The following SKA2 variants were observed in gnomAD, a reference collection of about 807,000 sequenced individuals.
The protein encoded by SKA2 is spindle and kinetochore associated complex subunit 2.
Under a neutral mutation model 16.9 loss-of-function variants are expected in SKA2, and 13 were observed. The ratio of observed to expected loss-of-function variants is 0.77; its 90% CI spans 0.50 to 1.22. The LOEUF is 1.22. SKA2 is among the 50% of genes most tolerant of loss of function. SKA2 has a pLI of 0.00. For synonymous variants in SKA2, 47 were observed against 48.5 expected (o/e 0.97, Z 0.13); for missense variants, 107 against 139.7 (o/e 0.77, Z 1.18).
intron 1 of SKA2, among the ~76,000 whole-genome samples, chr17:59,141,984 T>A (rs1270143473): frequency 1.3e-5 from 2 of 151,878 alleles, no homozygotes; most frequent in African/African-American, 4.8e-5. Flanking sequence ...AGAGGAAACA[T>A]AAGAGTAAGC....
intron 1 of SKA2, among the ~76,000 whole-genome samples, chr17:59,134,962 G>A (rs1318472810): frequency 2.0e-5 from 3 of 151,956 alleles, no homozygotes; most frequent in African/African-American, 7.2e-5. Context: ...AGCCTCCCAA[G>A]TAGCTGGGAC....
At chr17:59,129,669 C>G (rs2046397288) in intron 2 of SKA2, among the ~76,000 whole-genome samples, 1 of 151,868 alleles carries the variant, frequency 6.6e-6, no homozygotes, top group African/African-American at 2.4e-5. Context: ...ACCAGCCTAA[C>G]ATGGTGAAAC....
intron 3 of SKA2, among the ~76,000 whole-genome samples, chr17:59,114,594 C>T (rs574306168): frequency 6.6e-6 from 1 of 152,158 alleles, no homozygotes; most frequent in Non-Finnish European, 1.5e-5. Context: ...CCATTGTTGA[C>T]CAAAACGTCA....
rs183191519 is a variant in SKA2, at chr17:59,140,994, G to A, written c.34-9627C>T. 1.9e-3 allele frequency among the ~76,000 whole-genome samples: 283 copies of A among 150,746 alleles called. 1 individual carries two copies. Among genetic ancestry groups the A allele is most frequent in the African/African-American group, 6.6e-3 (269 of 40,984 alleles). On this transcript the variant is annotated intron_variant, in intron 1 of 3. Coordinates refer to ENST00000330137, the MANE Select transcript of SKA2 (RefSeq NM_182620.4). The stretch of plus-strand genomic sequence containing the variant: ...TTTTCCTTTGTAGAGACAGAGTCTC[G>A]TTTTGTTGCCCAGGCTGGTCTCGAA...
intron 2 of SKA2, among the ~76,000 whole-genome samples, chr17:59,120,406 T>TTTTCTTTAA (rs2046324528): frequency 6.6e-6 from 1 of 152,026 alleles, no homozygotes; most frequent in African/African-American, 2.4e-5. Flanking sequence ...TTGGTAATTC[T>TTTTCTTTAA]TTTCTTTAAT....
At chr17:59,112,516 A>G (rs545634530) in intron 3 of SKA2, among the ~76,000 whole-genome samples, 171 bp from the exon 4 acceptor site, 1 of 152,372 alleles carries the variant, frequency 6.6e-6, no homozygotes, top group South Asian at 2.1e-4. Flanking sequence ...ATTTATATAC[A>G]AGGTCCTATG....
Position 59,155,035 on chromosome 17 carries a change from C to T in SKA2, c.33+96G>A, listed in dbSNP as rs771541476. 6 of 1,613,890 alleles carry T rather than the reference C, an allele frequency of 3.7e-6. 1 individual carries two copies. The African/African-American group carries it at 8.0e-5, about 22-fold the overall frequency. ...AACTCGACTCTGGTCCAGCCTCCGC[C>T]GCCCGGAGTTTCCGGCGACTCCAAA... On this transcript the variant is annotated intron_variant, in intron 1 of 3. Transcript: ENST00000330137.
intron 1 of SKA2, among the ~76,000 whole-genome samples, chr17:59,147,625 CTT>C (rs910746893): frequency 1.4e-5 from 2 of 144,950 alleles, no homozygotes; most frequent in Admixed American, 7.0e-5. Context: ...TCTTGATCTA[CTT>C]TTTTTTTTTT....
Position 59,119,294 on chromosome 17 carries a change from C to T in SKA2, c.297+25G>A, listed in dbSNP as rs565971520. On this transcript the variant is annotated intron_variant, in intron 3 of 3. Transcript: ENST00000330137. ...CACTCAGAGCTAAAGCTAAACAAAT[C>T]TAACCTGTCAACTGAAAGCATTACC... is the stretch of plus-strand genomic sequence containing the variant. The T allele has an allele frequency of 1.9e-6, 3 of 1,610,866 alleles. No homozygotes were observed. The African/African-American group carries it at 4.0e-5, about 21-fold the overall frequency.
chr17:59,152,312 C>A (rs979183159), intron 1 of SKA2, among the ~76,000 whole-genome samples: 2 of 152,058 alleles, frequency 1.3e-5, no homozygotes, highest in Admixed American at 1.3e-4. Context: ...TTTAAACGGT[C>A]CAATTCAACT....
Position 59,111,940 on chromosome 17 carries a change from T to C in SKA2, c.*337A>G, listed in dbSNP as rs1228814797. Reference sequence around the variant, plus strand: ...CATTCTTTTATGATAGACCAGAACATCTATATTATCATGACTTAGAAAAAG... The same window carrying C: ...CATTCTTTTATGATAGACCAGAACACCTATATTATCATGACTTAGAAAAAG... On this transcript the variant is annotated 3_prime_UTR_variant, in exon 4 of 4. Coordinates refer to ENST00000330137, the MANE Select transcript of SKA2 (RefSeq NM_182620.4). The C allele has an allele frequency of 4.5e-6, 1 of 220,080 alleles. No individual in the cohort carries two copies. The highest frequency in any genetic ancestry group is 2.3e-5 in the African/African-American group (1 of 43,184). 13.6% of individuals were successfully genotyped at this position (220,080 alleles called of 1,614,324 possible). A position where few individuals can be genotyped will look rare whatever the true frequency, so the allele number is the denominator to read the frequency against.
intron 1 of SKA2, among the ~76,000 whole-genome samples, chr17:59,148,819 A>AC (rs1022307172): frequency 2.7e-5 from 4 of 150,346 alleles, no homozygotes; most frequent in African/African-American, 9.8e-5. Flanking sequence ...AAAAAAAAAA[A>AC]AAAAAAAAAA....
intron 2 of SKA2, among the ~76,000 whole-genome samples, chr17:59,123,832 T>A (rs1422323195): frequency 6.6e-6 from 1 of 152,168 alleles, no homozygotes; most frequent in Non-Finnish European, 1.5e-5. Flanking sequence ...ATAGTAATAT[T>A]CCCATTTTAC....
chr17:59,142,927 C>CAAAA (rs111796693), intron 1 of SKA2, among the ~76,000 whole-genome samples: 4 of 60,294 alleles, frequency 6.6e-5, no homozygotes, highest in East Asian at 6.5e-4. Flanking sequence ...AACCCCATCT[C>CAAAA]AAAAAAAAAA....
At chr17:59,147,119 T>C (rs1397948954) in intron 1 of SKA2, among the ~76,000 whole-genome samples, 1 of 151,456 alleles carries the variant, frequency 6.6e-6, no homozygotes, top group Non-Finnish European at 1.5e-5. Context: ...GATCACAGCA[T>C]TGCACTCCAG....
At chr17:59,124,875 A>AG (rs2046360381) in intron 2 of SKA2, among the ~76,000 whole-genome samples, 1 of 152,170 alleles carries the variant, frequency 6.6e-6, no homozygotes, top group African/African-American at 2.4e-5. Context: ...ATGACAGGTT[A>AG]GGACTGTGGT....
chr17:59,149,530 T>TA (rs57435909), intron 1 of SKA2, among the ~76,000 whole-genome samples: 41 of 150,106 alleles, frequency 2.7e-4, no homozygotes, highest in African/African-American at 8.0e-4. Context: ...AAAATATTGC[T>TA]AAAAAAAAAA....
intron 1 of SKA2, among the ~76,000 whole-genome samples, chr17:59,143,784 C>T (rs1332947711): frequency 1.3e-5 from 2 of 152,134 alleles, no homozygotes; most frequent in Non-Finnish European, 2.9e-5. Flanking sequence ...AAAACTTTAA[C>T]TGGATGTTTA....
At chr17:59,144,290 G>T (rs1318559845) in intron 1 of SKA2, among the ~76,000 whole-genome samples, 2 of 151,846 alleles carry the variant, frequency 1.3e-5, no homozygotes, top group Non-Finnish European at 2.9e-5. Flanking sequence ...GGAGAAACTG[G>T]AACCCTTGTC....
Sources: allele counts gnomAD v4.1 joint callset (sites outside exome capture counted in the v4.1 genomes callset), GRCh38; gene constraint gnomAD v4.1.1; transcripts MANE v1.5; gene names NCBI Gene and HGNC (gene_info 2026-07-23, HGNC 2026-07-21).